APOBEC2: variants seen among roughly 807,000 people sequenced by gnomAD.
The protein encoded by APOBEC2 is C->U-editing enzyme APOBEC-2.
In APOBEC2, 14 loss-of-function variants were observed where a neutral mutation model predicts 19.4. That is an observed-to-expected ratio of 0.72 (90% CI 0.48 to 1.13). The LOEUF (loss-of-function observed/expected upper bound fraction) is 1.13. APOBEC2 is among the 50% of genes most tolerant of loss of function. APOBEC2 has a pLI of 0.00. For synonymous variants in APOBEC2, 127 were observed against 112.1 expected, an observed-to-expected ratio of 1.13 and a Z score of -0.84; for missense variants, 304 against 277.0, an observed-to-expected ratio of 1.10 and a Z score of -0.69.
rs932123402 is a variant in APOBEC2 at position 41,064,273 on chromosome 6, ACTCT to A, written c.*201_*204del. The A allele has an allele frequency of 6.6e-6, 1 of 152,200 alleles. No individual in the cohort carries two copies. The highest frequency in any genetic ancestry group is 2.4e-5 in the African/African-American group (1 of 41,290). The allele number at this position is 152,200 out of a possible 1,614,324, so 9.4% of individuals were successfully genotyped here. A position where few individuals can be genotyped will look rare whatever the true frequency, so the allele number is the denominator to read the frequency against. Reference sequence around the variant, plus strand: ...CATGCTGTAGTTTATTTAGGCTGTGACTCTCTCTCTAATGCTGCTCTCGGGAAGG... The same window carrying A: ...CATGCTGTAGTTTATTTAGGCTGTGACTCTCTAATGCTGCTCTCGGGAAGG... On this transcript the variant is annotated 3_prime_UTR_variant, in exon 3 of 3. Coordinates refer to ENST00000244669, the MANE Select transcript of APOBEC2 (RefSeq NM_006789.4).
chr6:41,064,516 T>G lies in APOBEC2; in HGVS notation c.*437T>G, dbSNP rs1051928212. On this transcript the variant is annotated 3_prime_UTR_variant, in exon 3 of 3. Coordinates refer to ENST00000244669, the MANE Select transcript of APOBEC2 (RefSeq NM_006789.4). ...ATTAATAAAAGAAGTGGTGTGTTTTTCCCGTGGCCAGATTTTTAAGAAACT... is the reference window on the plus strand; with the variant it reads ...ATTAATAAAAGAAGTGGTGTGTTTTGCCCGTGGCCAGATTTTTAAGAAACT... 3 of 152,208 alleles carry G rather than the reference T, an allele frequency of 2.0e-5. No homozygotes were observed. Among genetic ancestry groups the G allele is most frequent in the African/African-American group, 4.8e-5 (2 of 41,442 alleles). The allele number at this position is 152,208 out of a possible 1,614,324, so 9.4% of individuals were successfully genotyped here.
Position 41,059,952 on chromosome 6 carries a change from T to C in APOBEC2, c.132-1376T>C, listed in dbSNP as rs117672270. On this transcript the variant is annotated intron_variant, in intron 1 of 2. Coordinates refer to ENST00000244669, the MANE Select transcript of APOBEC2 (RefSeq NM_006789.4). ...GATTACATTTTTAAAAAGGAAAACA[T>C]TGAATCTTTCTAGCTGGTACTCATC... Among the ~76,000 whole-genome samples, 590 of 152,310 alleles carry C rather than the reference T, an allele frequency of 3.9e-3. 11 individuals are homozygous for C. The South Asian group carries it at 0.061, about 16-fold the overall frequency.
rs1396788946 is a variant in APOBEC2 at position 41,053,230 on chromosome 6, C to T, written c.-118C>T. ...AGCCTGGCCTGCTGGGTCCTTTTCCCGTCATCCCCAGCCAGATTTAGCTGC... is the reference window on the plus strand; with the variant it reads ...AGCCTGGCCTGCTGGGTCCTTTTCCTGTCATCCCCAGCCAGATTTAGCTGC... On this transcript the variant is annotated 5_prime_UTR_variant, in exon 1 of 3. Transcript: ENST00000244669. 6 of 1,396,978 alleles carry T rather than the reference C, an allele frequency of 4.3e-6. No individual in the cohort carries two copies. The African/African-American group carries it at 4.3e-5, about 10-fold the overall frequency. The allele number at this position is 1,396,978 out of a possible 1,614,324, so 86.5% of individuals were successfully genotyped here. A position where few individuals can be genotyped will look rare whatever the true frequency, so the allele number is the denominator to read the frequency against.
At position 41,053,324 on chromosome 6, in the gene APOBEC2, T is replaced by C. The variant is rs1269704054; in HGVS notation, c.-24T>C. 1.2e-6 allele frequency: 2 copies of C among 1,608,718 alleles called. No individual in the cohort carries two copies. The highest frequency in any genetic ancestry group is 4.1e-4 in the Middle Eastern group (2 of 4,872). On this transcript the variant is annotated 5_prime_UTR_variant, in exon 1 of 3. Coordinates refer to ENST00000244669, the MANE Select transcript of APOBEC2 (RefSeq NM_006789.4). ...TGCCTGCCTCTCTCCTCTCCCTCAG[T>C]GACTCCTGAGCCACAGCCCCTCCAT...
At chr6:41,054,251 C>G (rs1295346775) in intron 1 of APOBEC2, among the ~76,000 whole-genome samples, 1 of 152,228 alleles carries the variant, frequency 6.6e-6, no homozygotes, top group East Asian at 1.9e-4. Flanking sequence ...AAGTAGTCTT[C>G]TTCCTCTTCC....
At chr6:41,056,208 A>G (rs1217199919) in intron 1 of APOBEC2, among the ~76,000 whole-genome samples, 1 of 152,040 alleles carries the variant, frequency 6.6e-6, no homozygotes, top group Non-Finnish European at 1.5e-5. Flanking sequence ...TGTCGTCGCA[A>G]CCTCCCGGGC....
At chr6:41,056,764 C>T (rs1021771078) in intron 1 of APOBEC2, among the ~76,000 whole-genome samples, 1 of 152,180 alleles carries the variant, frequency 6.6e-6, no homozygotes, top group African/African-American at 2.4e-5. Flanking sequence ...AAATGAATGA[C>T]CTAATGAATA....
At chr6:41,053,589 G>T in intron 1 of APOBEC2, 111 bp downstream of exon 1, 1 of 1,497,498 alleles carries the variant, frequency 6.7e-7, no homozygotes. Flanking sequence ...CTACAACCCT[G>T]CAGCAGTGAG....
Position 41,061,680 on chromosome 6 carries a change from A to G in APOBEC2, c.484A>G (p.Ile162Val). 2 of 1,614,240 alleles carry G rather than the reference A, an allele frequency of 1.2e-6. No homozygotes were observed. Among genetic ancestry groups the G allele is most frequent in the Non-Finnish European group, 1.7e-6 (2 of 1,180,048 alleles). The change falls in exon 2 of 3, where the codon ATC becomes GTC. Residue 162 changes from isoleucine (I) to valine (V), a missense_variant. Transcript: ENST00000244669. ...GRLFMWEEPE[I>V]QAALKKLKEA... ...ACTCTTCATGTGGGAGGAGCCGGAG[A>G]TCCAGGCTGCTCTGAAGAAGCTGAA...
chr6:41,061,810 G>A lies in APOBEC2; in HGVS notation c.614G>A (p.Trp205Ter), dbSNP rs988316925. 3 of 1,614,082 alleles carry A rather than the reference G, an allele frequency of 1.9e-6. No individual in the cohort carries two copies. The Admixed American group carries it at 5.0e-5, about 27-fold the overall frequency. The change falls in exon 2 of 3, where the codon TGG becomes TAG. Residue 205 changes from tryptophan (W) to a stop codon, truncating the protein, a stop_gained. Coordinates refer to ENST00000244669, the MANE Select transcript of APOBEC2 (RefSeq NM_006789.4). LOFTEE classifies it high-confidence loss of function. ...EEGESKAFQP[W>*]EDIQENFLYY... is the part of the protein sequence containing the mutation. ...GGTGAATCCAAGGCCTTTCAGCCCT[G>A]GGAGGACATTCAGGAGAACTTCCTA...
chr6:41,055,817 C>T (rs1399834081), intron 1 of APOBEC2, among the ~76,000 whole-genome samples: 1 of 152,208 alleles, frequency 6.6e-6, no homozygotes, highest in East Asian at 1.9e-4. Context: ...GAAGCCAGTT[C>T]CTGTTGGTTC....
chr6:41,058,257 C>G (rs1436030057), intron 1 of APOBEC2, among the ~76,000 whole-genome samples: 1 of 144,836 alleles, frequency 6.9e-6, no homozygotes, highest in Non-Finnish European at 1.5e-5. Flanking sequence ...CTACTGACCA[C>G]CACCCACCAC....
intron 1 of APOBEC2, among the ~76,000 whole-genome samples, chr6:41,058,185 A>T (rs1581989614): frequency 1.7e-5 from 2 of 117,748 alleles, no homozygotes; most frequent in African/African-American, 6.6e-5. Context: ...ACACACACAC[A>T]CACGTTTCTA....
chr6:41,061,156 CTTTTTTTTTT>C (rs35586672), intron 1 of APOBEC2, among the ~76,000 whole-genome samples, 162 bp from the exon 2 acceptor site: 2 of 105,654 alleles, frequency 1.9e-5, no homozygotes, highest in South Asian at 3.3e-4. Flanking sequence ...TTTTTTAATG[CTTTTTTTTTT>C]TTTTTTTTTT....
rs909982757 is a variant in APOBEC2 at position 41,058,836 on chromosome 6, G to A, written c.132-2492G>A. ...AGTCTCTGAGCAAGCCCAAGGGAAC[G>A]ACTAGGAACCAAACCTTCCCTGCCT... is the stretch of plus-strand genomic sequence containing the variant. On this transcript the variant is annotated intron_variant, in intron 1 of 2. Coordinates refer to ENST00000244669, the MANE Select transcript of APOBEC2 (RefSeq NM_006789.4). 3.3e-5 allele frequency among the ~76,000 whole-genome samples: 5 copies of A among 152,182 alleles called. No homozygotes were observed. The East Asian group carries it at 5.8e-4, about 18-fold the overall frequency.
Position 41,053,551 on chromosome 6 carries a change from G to A in APOBEC2, c.131+73G>A, listed in dbSNP as rs934410301. ...CCTTGGGTTAGGCTGTGGAAATTCA[G>A]GATGGTTATATTAGGCGTCAGGGAC... On this transcript the variant is annotated intron_variant, in intron 1 of 2. Coordinates refer to ENST00000244669, the MANE Select transcript of APOBEC2 (RefSeq NM_006789.4). The A allele has an allele frequency of 5.0e-6, 8 of 1,588,552 alleles. No homozygotes were observed. In the African/African-American group the frequency reaches 9.4e-5, roughly 19 times the overall value.
At chr6:41,055,079 G>A (rs1179886307) in intron 1 of APOBEC2, among the ~76,000 whole-genome samples, 1 of 152,166 alleles carries the variant, frequency 6.6e-6, no homozygotes, top group Non-Finnish European at 1.5e-5. Flanking sequence ...GGTAGGAGAG[G>A]GAGATATATT....
rs1187813655 is a variant in APOBEC2, at chr6:41,064,475, AAAG to A, written c.*399_*401del. ...TGTTAAGTTGGGTATTTTTTTAAAA[AAAG>A]AAAAACAGCAACATTAATAAAAGAA... On this transcript the variant is annotated 3_prime_UTR_variant, in exon 3 of 3. Coordinates refer to ENST00000244669, the MANE Select transcript of APOBEC2 (RefSeq NM_006789.4). 2 of 152,222 alleles carry A rather than the reference AAAG, an allele frequency of 1.3e-5. No individual in the cohort carries two copies. Among genetic ancestry groups the A allele is most frequent in the Non-Finnish European group, 2.9e-5 (2 of 68,034 alleles). 9.4% of individuals were successfully genotyped at this position (152,222 alleles called of 1,614,324 possible).
Position 41,058,286 on chromosome 6 carries a change from C to CCA in APOBEC2, c.132-3021_132-3020dup, listed in dbSNP as rs142540209. Among the ~76,000 whole-genome samples the CCA allele has an allele frequency of 7.8e-3, 849 of 108,472 alleles. 35 individuals carry two copies. Among genetic ancestry groups the CCA allele is most frequent in the Middle Eastern group, 0.019 (3 of 154 alleles). 71.2% of individuals were successfully genotyped at this position (108,472 alleles called of 152,430 possible). A position where few individuals can be genotyped will look rare whatever the true frequency, so the allele number is the denominator to read the frequency against. ...CCACCACCACCACCCCACCACACACCCACACACACACACACACACACAGGT... is the reference window on the plus strand; with the variant it reads ...CCACCACCACCACCCCACCACACACCCACACACACACACACACACACACAGGT... On this transcript the variant is annotated intron_variant, in intron 1 of 2. Coordinates refer to ENST00000244669, the MANE Select transcript of APOBEC2 (RefSeq NM_006789.4).
Sources: allele counts gnomAD v4.1 joint callset (sites outside exome capture counted in the v4.1 genomes callset), GRCh38; gene constraint gnomAD v4.1.1; transcripts MANE v1.5; gene names NCBI Gene and HGNC (gene_info 2026-07-23, HGNC 2026-07-21).